The following RAB3B variants were observed in gnomAD, a reference collection of about 807,000 sequenced individuals.
The protein encoded by RAB3B is RAB3B, member RAS oncogene family.
RAB3B carries 11 observed loss-of-function variants against 20.5 expected under a neutral mutation model. The ratio of observed to expected loss-of-function variants is 0.54; its 90% CI spans 0.34 to 0.89. The LOEUF (loss-of-function observed/expected upper bound fraction) is 0.89. Ranked by LOEUF, RAB3B falls within the 40% of genes least tolerant of loss-of-function variation. The pLI, the probability that RAB3B is intolerant of heterozygous loss-of-function variation, is 0.02. For missense variants in RAB3B, 225 were observed against 280.9 expected (o/e 0.80, Z 1.42); for synonymous variants, 99 against 106.3 (o/e 0.93, Z 0.42).
chr1:51,957,391 AT>A (rs1356280918), intron 2 of RAB3B, among the ~76,000 whole-genome samples: 1 of 152,174 alleles, frequency 6.6e-6, no homozygotes, highest in Non-Finnish European at 1.5e-5. Context: ...CTTATGTGTC[AT>A]TTCATTAAAC....
chr1:51,975,885 G>T (rs576126775), intron 2 of RAB3B, among the ~76,000 whole-genome samples: 1 of 151,934 alleles, frequency 6.6e-6, no homozygotes, highest in Non-Finnish European at 1.5e-5. Flanking sequence ...CCAGCTACTC[G>T]GGAGGCTGAG....
rs1255315981 is a variant in RAB3B, at chr1:51,918,277, A to T, written c.*1650T>A. The T allele has an allele frequency of 6.6e-6, 1 of 152,148 alleles. No individual in the cohort carries two copies. Among genetic ancestry groups the T allele is most frequent in the Non-Finnish European group, 1.5e-5 (1 of 68,030 alleles). The allele number at this position is 152,148 out of a possible 1,614,324, so 9.4% of individuals were successfully genotyped here. A position where few individuals can be genotyped will look rare whatever the true frequency, so the allele number is the denominator to read the frequency against. On this transcript the variant is annotated 3_prime_UTR_variant, in exon 5 of 5. Transcript: ENST00000371655. ...TTTTTCAGAGTCATGCCACCTTAAG[A>T]TTTATTTTGCTTTGAATCATACTTC...
intron 1 of RAB3B, among the ~76,000 whole-genome samples, chr1:51,983,631 C>T (rs557808366): frequency 6.6e-6 from 1 of 152,158 alleles, no homozygotes; most frequent in African/African-American, 2.4e-5. Context: ...TTAAATACTA[C>T]AAAAATTTAG....
At chr1:51,980,885 C>CT (rs1333629327) in intron 1 of RAB3B, 1 of 587,102 alleles carries the variant, frequency 1.7e-6, no homozygotes, top group East Asian at 2.9e-5. Flanking sequence ...GGAAATTGTA[C>CT]TTTAAAAAAA....
chr1:51,963,789 A>T (rs1210448067), intron 2 of RAB3B, among the ~76,000 whole-genome samples: 1 of 152,144 alleles, frequency 6.6e-6, no homozygotes, highest in Admixed American at 6.5e-5. Context: ...CTCCCCTGGG[A>T]ATGTAGGTGC....
intron 4 of RAB3B, among the ~76,000 whole-genome samples, chr1:51,927,533 T>G (rs1271897185): frequency 6.6e-6 from 1 of 152,228 alleles, no homozygotes; most frequent in African/African-American, 2.4e-5. Context: ...CCCAGCACTT[T>G]GGGAGATCAA....
At chr1:51,982,807 A>AT (rs1685105046) in intron 1 of RAB3B, among the ~76,000 whole-genome samples, 1 of 152,018 alleles carries the variant, frequency 6.6e-6, no homozygotes, top group Non-Finnish European at 1.5e-5. Flanking sequence ...AGTTTTAAAA[A>AT]TTTTTTAAGT....
chr1:51,985,849 TAAA>T (rs562172384), intron 1 of RAB3B, among the ~76,000 whole-genome samples: 8 of 122,274 alleles, frequency 6.5e-5, no homozygotes, highest in Non-Finnish European at 5.3e-5. Context: ...ATCTTACAGG[TAAA>T]AAAAAAAAAA....
rs1557977353 is a variant in RAB3B at position 51,977,122 on chromosome 1, A to G, written c.1-5T>C. On this transcript the variant is annotated splice_polypyrimidine_tract_variant and splice_region_variant and intron_variant, in intron 1 of 4. Coordinates refer to ENST00000371655, the MANE Select transcript of RAB3B (RefSeq NM_002867.4). ...ACCATCTGTCACTGAAGCCATCTGC[A>G]AGAGAGACCTAGAGTCACTCAGGAA... is the stretch of plus-strand genomic sequence containing the variant. 1 of 1,612,600 alleles carries G rather than the reference A, an allele frequency of 6.2e-7. No individual in the cohort carries two copies. Among genetic ancestry groups the G allele is most frequent in the Non-Finnish European group, 8.5e-7 (1 of 1,178,636 alleles).
chr1:51,923,189 G>C (rs143817024), intron 4 of RAB3B, among the ~76,000 whole-genome samples: 1 of 152,220 alleles, frequency 6.6e-6, no homozygotes, highest in Non-Finnish European at 1.5e-5. Flanking sequence ...CAAGGCAAGG[G>C]TTAGCACTTG....
rs114884814 is a variant in RAB3B at position 51,926,765 on chromosome 1, A to G, written c.472+6553T>C. Reference sequence around the variant, plus strand: ...TTTAAGTCAAAGTCTGAGTTTGAGTACGGGGCCTGCCATCTACTACTTACA... The same window carrying G: ...TTTAAGTCAAAGTCTGAGTTTGAGTGCGGGGCCTGCCATCTACTACTTACA... On this transcript the variant is annotated intron_variant, in intron 4 of 4. Transcript: ENST00000371655. 3.0e-3 allele frequency among the ~76,000 whole-genome samples: 456 copies of G among 152,302 alleles called. 3 individuals are homozygous for G. The highest frequency in any genetic ancestry group is 0.011 in the African/African-American group (450 of 41,572).
intron 3 of RAB3B, among the ~76,000 whole-genome samples, chr1:51,936,800 T>G (rs1684410192): frequency 6.6e-6 from 1 of 151,388 alleles, no homozygotes; most frequent in Admixed American, 6.6e-5. Flanking sequence ...CTAGCACACA[T>G]TTTCTTTTCT....
chr1:51,942,775 A>G (rs1015270299), intron 2 of RAB3B, among the ~76,000 whole-genome samples: 5 of 152,178 alleles, frequency 3.3e-5, no homozygotes, highest in African/African-American at 1.2e-4. Flanking sequence ...ACCCTATCTC[A>G]AGCAGGTCTA....
chr1:51,927,893 T>A (rs966560791), intron 4 of RAB3B, among the ~76,000 whole-genome samples: 22 of 152,096 alleles, frequency 1.4e-4, no homozygotes, highest in African/African-American at 5.3e-4. Flanking sequence ...CCTCCCTGGG[T>A]TCTGGTCAGA....
intron 2 of RAB3B, among the ~76,000 whole-genome samples, chr1:51,942,908 G>C (rs1385162006): frequency 2.0e-5 from 3 of 151,990 alleles, no homozygotes; most frequent in Non-Finnish European, 4.4e-5. Flanking sequence ...TGTGATCAGT[G>C]ATCTTTGATG....
intron 2 of RAB3B, among the ~76,000 whole-genome samples, chr1:51,940,872 G>A (rs1227534121): frequency 6.6e-6 from 1 of 152,058 alleles, no homozygotes; most frequent in East Asian, 1.9e-4. Context: ...GACTGACAGA[G>A]CAACTACCAG....
At chr1:51,939,995 A>G (rs989804633) in intron 2 of RAB3B, among the ~76,000 whole-genome samples, 2 of 152,246 alleles carry the variant, frequency 1.3e-5, no homozygotes, top group Non-Finnish European at 2.9e-5. Context: ...AAAATAAATA[A>G]GGAGAAAAAT....
intron 2 of RAB3B, among the ~76,000 whole-genome samples, chr1:51,948,348 A>G (rs571754562): frequency 1.3e-5 from 2 of 152,348 alleles, no homozygotes; most frequent in African/African-American, 4.8e-5. Context: ...GCCAGAGAAG[A>G]GTGAAGGGAA....
intron 2 of RAB3B, among the ~76,000 whole-genome samples, chr1:51,970,777 G>A (rs1419753209): frequency 1.3e-5 from 2 of 151,724 alleles, no homozygotes; most frequent in African/African-American, 2.4e-5. Context: ...AGGCCGAGGC[G>A]GGCAGATCAT....
Sources: allele counts gnomAD v4.1 joint callset (sites outside exome capture counted in the v4.1 genomes callset), GRCh38; gene constraint gnomAD v4.1.1; transcripts MANE v1.5; gene names NCBI Gene and HGNC (gene_info 2026-07-23, HGNC 2026-07-21).